SRRM4: variants seen among roughly 807,000 people sequenced by gnomAD.
SRRM4 encodes the protein serine/arginine repetitive matrix 4.
Under a neutral mutation model 68.9 loss-of-function variants are expected in SRRM4, and 33 were observed. The observed-to-expected ratio is 0.48, with a 90% CI of 0.36 to 0.64. SRRM4 has a LOEUF of 0.64. Ranked by LOEUF, SRRM4 falls within the 30% of genes least tolerant of loss-of-function variation. The pLI is 0.00. For synonymous variants in SRRM4, 318 were observed against 318.8 expected (o/e 1.00, Z 0.03); for missense variants, 817 against 827.1 (o/e 0.99, Z 0.15).
chr12:119,122,301 A>G (rs1320699624), intron 6 of SRRM4, among the ~76,000 whole-genome samples, 181 bp downstream of exon 6: 3 of 96,992 alleles, frequency 3.1e-5, no homozygotes. Context: ...GCAGGAAGGA[A>G]GGAAGGAAGG....
intron 8 of SRRM4, among the ~76,000 whole-genome samples, chr12:119,137,256 ATGGACTTGTTCAGTTT>A (rs1447033092): frequency 6.6e-6 from 1 of 152,086 alleles, no homozygotes; most frequent in Non-Finnish European, 1.5e-5. Flanking sequence ...AGCTCAGTAA[ATGGACTTGTTCAGTTT>A]AATTGGAATT....
chr12:119,009,794 C>T (rs1156440977), intron 1 of SRRM4, among the ~76,000 whole-genome samples: 2 of 152,154 alleles, frequency 1.3e-5, no homozygotes, highest in Non-Finnish European at 2.9e-5. Context: ...GGTGGGAGTG[C>T]AGACAATAAA....
chr12:119,102,112 T>A, intron 1 of SRRM4, 124 bp from the exon 2 acceptor site: 1 of 941,554 alleles, frequency 1.1e-6, no homozygotes, highest in Non-Finnish European at 1.5e-6. Context: ...CCAAAGATAA[T>A]CTCATGGGCT....
chr12:119,016,547 T>C (rs1052564431), intron 1 of SRRM4, among the ~76,000 whole-genome samples: 2 of 152,042 alleles, frequency 1.3e-5, no homozygotes, highest in African/African-American at 2.4e-5. Flanking sequence ...CCATATAACA[T>C]AGACTTTGTA....
chr12:119,109,147 G>T (rs373376574), intron 2 of SRRM4, among the ~76,000 whole-genome samples: 11,695 of 151,968 alleles, frequency 0.077, 502 homozygotes, highest in Admixed American at 0.1. Flanking sequence ...TTGAATATTG[G>T]CCCCCACCCT....
intron 1 of SRRM4, among the ~76,000 whole-genome samples, chr12:119,082,100 T>G (rs1953952341): frequency 6.6e-6 from 1 of 152,192 alleles, no homozygotes; most frequent in African/African-American, 2.4e-5. Flanking sequence ...GTTTGTAGCA[T>G]TCCTGGCTTG....
chr12:119,047,030 TAA>T (rs11415940), intron 1 of SRRM4, among the ~76,000 whole-genome samples: 6 of 122,190 alleles, frequency 4.9e-5, no homozygotes, highest in Middle Eastern at 4.1e-3. Context: ...AGATCCCGTC[TAA>T]AAAAAAAAAA....
chr12:118,982,446 C>G (rs749821504), intron 1 of SRRM4, among the ~76,000 whole-genome samples: 3 of 152,124 alleles, frequency 2.0e-5, no homozygotes, highest in African/African-American at 7.2e-5. Context: ...ACATTTCCAT[C>G]CTCGGCTCGG....
Position 119,151,817 on chromosome 12 carries a change from C to G in SRRM4, c.1280+597C>G, listed in dbSNP as rs73213436. 4.6e-3 allele frequency among the ~76,000 whole-genome samples: 694 copies of G among 152,270 alleles called. 6 individuals are homozygous for G. The highest frequency in any genetic ancestry group is 6.6e-3 in the Non-Finnish European group (450 of 68,028). On this transcript the variant is annotated intron_variant, in intron 10 of 12. Transcript: ENST00000267260. ...TGTTCACATGGTGATGGCAGAATTC[C>G]AAGAGAGAGCACAGTATTGTGCAAG...
Position 119,162,078 on chromosome 12 carries a change from C to T in SRRM4, c.*5280C>T, listed in dbSNP as rs1229701337. ...TTGTCATCTGTAAAATGGGGCTTGT[C>T]CTATATATTATCTGCAAGACGTGGG... On this transcript the variant is annotated 3_prime_UTR_variant, in exon 13 of 13. Coordinates refer to ENST00000267260, the MANE Select transcript of SRRM4 (RefSeq NM_194286.4). 1 of 152,064 alleles carries T rather than the reference C, an allele frequency of 6.6e-6. No homozygotes were observed. Among genetic ancestry groups the T allele is most frequent in the Non-Finnish European group, 1.5e-5 (1 of 68,034 alleles). The allele number at this position is 152,064 out of a possible 1,614,324, so 9.4% of individuals were successfully genotyped here.
Position 119,062,945 on chromosome 12 carries a change from A to T in SRRM4, c.132-39291A>T, listed in dbSNP as rs568382459. Among the ~76,000 whole-genome samples the T allele has an allele frequency of 2.6e-5, 4 of 152,350 alleles. No individual in the cohort carries two copies. The East Asian group carries it at 7.7e-4, about 29-fold the overall frequency. On this transcript the variant is annotated intron_variant, in intron 1 of 12. Transcript: ENST00000267260. ...GGGGTTACTGTGTGGACTGAATAAG[A>T]TATTGTTTGTCAACTTATTTAGCAA...
intron 2 of SRRM4, among the ~76,000 whole-genome samples, chr12:119,112,204 T>C (rs558917419): frequency 6.6e-6 from 1 of 152,156 alleles, no homozygotes; most frequent in Non-Finnish European, 1.5e-5. Flanking sequence ...ATTTTTAACC[T>C]ACTAAAAGGG....
rs201990237 is a variant in SRRM4, at chr12:119,071,778, C to G, written c.132-30458C>G. On this transcript the variant is annotated intron_variant, in intron 1 of 12. Transcript: ENST00000267260. Reference sequence around the variant, plus strand: ...CAGCTGTGAGATTCATCATGCCGCACGCCGTTGTCACTGTTGTTACTTTTC... The same window carrying G: ...CAGCTGTGAGATTCATCATGCCGCAGGCCGTTGTCACTGTTGTTACTTTTC... 3.3e-4 allele frequency among the ~76,000 whole-genome samples: 50 copies of G among 152,282 alleles called. No homozygotes were observed. In the South Asian group the frequency reaches 0.01, roughly 32 times the overall value.
At chr12:119,000,142 A>G (rs1010728523) in intron 1 of SRRM4, among the ~76,000 whole-genome samples, 2 of 152,198 alleles carry the variant, frequency 1.3e-5, no homozygotes, top group African/African-American at 4.8e-5. Flanking sequence ...CCAAGCCTCA[A>G]TTTTGTCATC....
At chr12:119,109,554 T>G (rs1954129555) in intron 2 of SRRM4, among the ~76,000 whole-genome samples, 1 of 152,216 alleles carries the variant, frequency 6.6e-6, no homozygotes, top group Non-Finnish European at 1.5e-5. Context: ...TCTTCTCACT[T>G]CATTTCATTC....
chr12:119,014,268 C>T (rs1953467980), intron 1 of SRRM4, among the ~76,000 whole-genome samples: 1 of 151,980 alleles, frequency 6.6e-6, no homozygotes, highest in African/African-American at 2.4e-5. Context: ...ATATGTGTTG[C>T]CTCAAACTTT....
At chr12:118,985,747 C>T (rs1229568083) in intron 1 of SRRM4, among the ~76,000 whole-genome samples, 1 of 152,130 alleles carries the variant, frequency 6.6e-6, no homozygotes, top group African/African-American at 2.4e-5. Flanking sequence ...GAAGTTTGTA[C>T]CTAAGAAGTT....
intron 1 of SRRM4, among the ~76,000 whole-genome samples, chr12:118,989,451 A>G (rs1325471210): frequency 6.6e-6 from 1 of 152,126 alleles, no homozygotes; most frequent in Non-Finnish European, 1.5e-5. Context: ...CCTTGCACCC[A>G]GTAGCCCCCT....
intron 9 of SRRM4, among the ~76,000 whole-genome samples, chr12:119,147,671 G>C (rs1361665539): frequency 1.3e-5 from 2 of 152,166 alleles, no homozygotes; most frequent in Non-Finnish European, 2.9e-5. Flanking sequence ...ATATACCATA[G>C]TATAATTTAT....
Sources: allele counts gnomAD v4.1 joint callset (sites outside exome capture counted in the v4.1 genomes callset), GRCh38; gene constraint gnomAD v4.1.1; transcripts MANE v1.5; gene names NCBI Gene and HGNC (gene_info 2026-07-23, HGNC 2026-07-21).